STARD3NL: variants seen among roughly 807,000 people sequenced by gnomAD.
STARD3NL encodes the protein STARD3 N-terminal like, also known as STARD3 N-terminal-like protein.
Under a neutral mutation model 30.9 loss-of-function variants are expected in STARD3NL, and 17 were observed. That is an observed-to-expected ratio of 0.55 (90% CI 0.38 to 0.82). The LOEUF is 0.82. Ranked by LOEUF, STARD3NL falls within the 40% of genes least tolerant of loss-of-function variation. STARD3NL has a pLI of 0.00. For synonymous variants in STARD3NL, 112 were observed against 100.5 expected (o/e 1.11, Z -0.69); for missense variants, 234 against 277.6 (o/e 0.84, Z 1.12).
chr7:38,178,291 G>T lies in STARD3NL; in HGVS notation c.-188G>T, dbSNP rs1188272030. The stretch of plus-strand genomic sequence containing the variant: ...CGGGGCTGCTGGGTGCGGGCGGTGG[G>T]CTGCGCGTTGTCCGCTGGACTGGGT... On this transcript the variant is annotated 5_prime_UTR_variant, in exon 1 of 9. Coordinates refer to ENST00000009041, the MANE Select transcript of STARD3NL (RefSeq NM_032016.4). The T allele has an allele frequency of 6.6e-6, 1 of 152,194 alleles. No individual in the cohort carries two copies. Among genetic ancestry groups the T allele is most frequent in the Non-Finnish European group, 1.5e-5 (1 of 68,086 alleles). The allele number at this position is 152,194 out of a possible 1,614,324, so 9.4% of individuals were successfully genotyped here. A position where few individuals can be genotyped will look rare whatever the true frequency, so the allele number is the denominator to read the frequency against.
At chr7:38,227,311 G>A (rs574220772) in intron 7 of STARD3NL, among the ~76,000 whole-genome samples, 25 of 152,260 alleles carry the variant, frequency 1.6e-4, no homozygotes, top group African/African-American at 6.0e-4. Context: ...TCCTTCCACA[G>A]TAAGGACAGG....
chr7:38,214,736 T>C (rs896629602), intron 3 of STARD3NL, among the ~76,000 whole-genome samples: 1 of 152,228 alleles, frequency 6.6e-6, no homozygotes, highest in African/African-American at 2.4e-5. Context: ...CATTGACATA[T>C]CTAGTCACTG....
chr7:38,224,446 C>T (rs1434844020), intron 7 of STARD3NL, among the ~76,000 whole-genome samples: 1 of 152,114 alleles, frequency 6.6e-6, no homozygotes, highest in African/African-American at 2.4e-5. Context: ...CCTTTCTTAT[C>T]CACAGTTTCA....
intron 1 of STARD3NL, among the ~76,000 whole-genome samples, chr7:38,203,947 C>T (rs1250785643): frequency 6.6e-6 from 1 of 151,710 alleles, no homozygotes; most frequent in African/African-American, 2.4e-5. Context: ...AATATATATG[C>T]ACCCAATACA....
chr7:38,208,474 A>T (rs1421703686), intron 2 of STARD3NL, among the ~76,000 whole-genome samples: 1 of 152,260 alleles, frequency 6.6e-6, no homozygotes, highest in Non-Finnish European at 1.5e-5. Context: ...ACATTAATAA[A>T]AATCAAACAG....
chr7:38,206,279 G>A (rs1158402418), intron 1 of STARD3NL, among the ~76,000 whole-genome samples: 1 of 152,140 alleles, frequency 6.6e-6, no homozygotes, highest in Admixed American at 6.6e-5. Flanking sequence ...GCCACATACT[G>A]GCGATTCATG....
intron 2 of STARD3NL, 49 bp from the exon 3 acceptor site, chr7:38,214,308 T>A: frequency 8.3e-7 from 1 of 1,209,996 alleles, no homozygotes; most frequent in South Asian, 1.3e-5. Flanking sequence ...CTTGTTTTAT[T>A]TCCACACATA....
intron 7 of STARD3NL, among the ~76,000 whole-genome samples, chr7:38,220,274 A>G (rs1562624070): frequency 1.3e-5 from 2 of 152,336 alleles, no homozygotes; most frequent in East Asian, 1.9e-4. Context: ...TAACAATTAC[A>G]CTCAGCAACA....
chr7:38,186,995 A>C (rs941396255), intron 1 of STARD3NL, among the ~76,000 whole-genome samples: 1 of 152,060 alleles, frequency 6.6e-6, no homozygotes, highest in African/African-American at 2.4e-5. Context: ...CCGTTGTTTC[A>C]GTTACTTTGG....
At position 38,198,485 on chromosome 7, in the gene STARD3NL, G is replaced by A. The variant is rs186119110; in HGVS notation, c.-58-8962G>A. The stretch of plus-strand genomic sequence containing the variant: ...TTAAGTCAGTATCTTAAGAAACACT[G>A]TACAAGACCAAGAAAACATGTCTCT... On this transcript the variant is annotated intron_variant, in intron 1 of 8. Coordinates refer to ENST00000009041, the MANE Select transcript of STARD3NL (RefSeq NM_032016.4). The A allele has an allele frequency of 1.3e-3, 195 of 152,330 alleles. 1 individual carries two copies. The highest frequency in any genetic ancestry group is 4.6e-3 in the African/African-American group (190 of 41,578). 9.4% of individuals were successfully genotyped at this position (152,330 alleles called of 1,614,324 possible).
At chr7:38,207,783 G>C in intron 2 of STARD3NL, 54 bp downstream of exon 2, 4 of 1,520,980 alleles carry the variant, frequency 2.6e-6, no homozygotes, top group Non-Finnish European at 3.6e-6. Context: ...GAGACAACAG[G>C]GTTTTTTTGT....
At chr7:38,200,803 T>C (rs913580134) in intron 1 of STARD3NL, among the ~76,000 whole-genome samples, 1 of 152,088 alleles carries the variant, frequency 6.6e-6, no homozygotes, top group Admixed American at 6.5e-5. Flanking sequence ...GGATGGGGAG[T>C]AGAGCCTGTC....
intron 7 of STARD3NL, among the ~76,000 whole-genome samples, chr7:38,224,922 A>G (rs762919359): frequency 6.6e-6 from 1 of 152,212 alleles, no homozygotes; most frequent in Non-Finnish European, 1.5e-5. Context: ...CATAATACTG[A>G]TAGGATACAG....
intron 1 of STARD3NL, among the ~76,000 whole-genome samples, chr7:38,187,606 C>T (rs115753118): frequency 0.012 from 1,894 of 152,080 alleles, 37 homozygotes; most frequent in African/African-American, 0.043. Context: ...TAATTGTTTT[C>T]TGTTCTACAA....
At chr7:38,195,291 T>C (rs1315400336) in intron 1 of STARD3NL, among the ~76,000 whole-genome samples, 1 of 152,152 alleles carries the variant, frequency 6.6e-6, no homozygotes, top group East Asian at 1.9e-4. Flanking sequence ...CCTGACCCCA[T>C]GTGATCCACT....
At position 38,219,612 on chromosome 7, in the gene STARD3NL, G is replaced by T. The variant is rs754682652; in HGVS notation, c.601G>T (p.Gly201Cys). Residue 201 changes from glycine (G) to cysteine (C), a missense_variant, in exon 7 of 9, where the codon GGT becomes TGT. Coordinates refer to ENST00000009041, the MANE Select transcript of STARD3NL (RefSeq NM_032016.4). ...TTCAGAGAGGGCAGCACTTATACCTGGTGGTCTTTCTGATGGTCAGTTTTA... is the reference window on the plus strand; with the variant it reads ...TTCAGAGAGGGCAGCACTTATACCTTGTGGTCTTTCTGATGGTCAGTTTTA... ...DASERAALIP[G>C]GLSDGQFYSP... is the part of the protein sequence containing the mutation. The T allele has an allele frequency of 6.2e-7, 1 of 1,612,622 alleles. No homozygotes were observed. Among genetic ancestry groups the T allele is most frequent in the African/African-American group, 1.3e-5 (1 of 74,972 alleles).
intron 2 of STARD3NL, among the ~76,000 whole-genome samples, chr7:38,213,752 A>G (rs1156359891): frequency 1.3e-5 from 2 of 152,220 alleles, no homozygotes; most frequent in Non-Finnish European, 2.9e-5. Flanking sequence ...TTGGGAGAGG[A>G]CAGAAAGTTG....
chr7:38,211,762 C>T (rs1230284877), intron 2 of STARD3NL, among the ~76,000 whole-genome samples: 4 of 152,162 alleles, frequency 2.6e-5, no homozygotes, highest in African/African-American at 2.4e-5. Flanking sequence ...CCAATGCATA[C>T]ACACACCTGC....
At chr7:38,227,336 C>T (rs2116455098) in intron 7 of STARD3NL, among the ~76,000 whole-genome samples, 1 of 152,278 alleles carries the variant, frequency 6.6e-6, no homozygotes, top group East Asian at 1.9e-4. Flanking sequence ...TCCCCACCTC[C>T]TGTCTCTATG....
Sources: gnomAD v4.1 joint callset for allele counts (sites outside exome capture counted in the v4.1 genomes callset) on GRCh38, gnomAD v4.1.1 for gene constraint, MANE v1.5 for transcripts, NCBI Gene and HGNC (gene_info 2026-07-23, HGNC 2026-07-21) for gene names.